The following ELOVL2 variants were observed in gnomAD, a reference collection of about 807,000 sequenced individuals.
ELOVL2 encodes the protein very long chain fatty acid elongase 2.
ELOVL2 carries 38 observed loss-of-function variants against 37.7 expected under a neutral mutation model. The observed-to-expected ratio is 1.01, with a 90% CI of 0.78 to 1.32. The LOEUF (loss-of-function observed/expected upper bound fraction) is 1.32. Among genes scored for constraint, ELOVL2 ranks in the 40% most tolerant of loss-of-function variants. ELOVL2 has a pLI of 0.00. For missense variants in ELOVL2, 352 were observed against 363.6 expected, an observed-to-expected ratio of 0.97 and a Z score of 0.26; for synonymous variants, 115 against 122.3, an observed-to-expected ratio of 0.94 and a Z score of 0.40.
At chr6:11,011,596 G>A (rs2113525250) in intron 1 of ELOVL2, among the ~76,000 whole-genome samples, 1 of 152,208 alleles carries the variant, frequency 6.6e-6, no homozygotes, top group East Asian at 1.9e-4. Context: ...ACTTTAAGTA[G>A]GACTGTTTTT....
chr6:10,989,428 A>C (rs1379199157), intron 7 of ELOVL2, among the ~76,000 whole-genome samples: 1 of 152,240 alleles, frequency 6.6e-6, no homozygotes, highest in Non-Finnish European at 1.5e-5. Context: ...CAAGGCAGGC[A>C]GATCACCTGA....
At chr6:10,987,699 G>A (rs2113467126) in intron 7 of ELOVL2, among the ~76,000 whole-genome samples, 1 of 152,264 alleles carries the variant, frequency 6.6e-6, no homozygotes. Flanking sequence ...GTCACGATTT[G>A]TATATTGTGG....
chr6:10,994,693 C>G (rs1327029352), intron 5 of ELOVL2, among the ~76,000 whole-genome samples: 3 of 152,164 alleles, frequency 2.0e-5, no homozygotes, highest in African/African-American at 7.2e-5. Flanking sequence ...TGTATTTCCA[C>G]AGGAGTCAAA....
rs779060460 is a variant in ELOVL2 at position 11,044,234 on chromosome 6, CCGCAG to C, written c.-9_-5del. The C allele has an allele frequency of 5.1e-5, 70 of 1,383,770 alleles. 1 individual carries two copies. In the Middle Eastern group the frequency reaches 8.3e-4, roughly 16 times the overall value. The allele number at this position is 1,383,770 out of a possible 1,614,324, so 85.7% of individuals were successfully genotyped here. On this transcript the variant is annotated 5_prime_UTR_variant, in exon 1 of 8. Transcript: ENST00000354666. The surrounding 1 kb of genome is among the most constrained non-coding windows in gnomAD (Gnocchi z 5.6). ...GGCGCGCGGCCCCACTCACCATGAT[CCGCAG>C]CGGCTGTGGCGCGGCGACCCGGGCG... is the stretch of plus-strand genomic sequence containing the variant.
intron 1 of ELOVL2, among the ~76,000 whole-genome samples, chr6:11,014,456 G>A (rs1221569252): frequency 6.7e-6 from 1 of 149,534 alleles, no homozygotes; most frequent in Non-Finnish European, 1.5e-5. Flanking sequence ...TCCAGCCTGG[G>A]CAAAGAAGTG....
At chr6:10,996,375 T>G (rs964290474) in intron 4 of ELOVL2, among the ~76,000 whole-genome samples, 1 of 152,142 alleles carries the variant, frequency 6.6e-6, no homozygotes, top group African/African-American at 2.4e-5. Context: ...AATCACTATA[T>G]CTTACTTTAT....
chr6:10,987,544 T>C (rs113248798), intron 7 of ELOVL2, among the ~76,000 whole-genome samples: 385 of 152,358 alleles, frequency 2.5e-3, no homozygotes, highest in African/African-American at 8.9e-3. Context: ...TTCTGGTATG[T>C]TGTATCTTTG....
intron 1 of ELOVL2, among the ~76,000 whole-genome samples, chr6:11,034,867 G>A (rs1782983920): frequency 6.6e-6 from 1 of 151,720 alleles, no homozygotes; most frequent in African/African-American, 2.4e-5. Flanking sequence ...GCCAAGCGTG[G>A]TGGCATGCGC....
intron 4 of ELOVL2, among the ~76,000 whole-genome samples, chr6:10,996,053 G>C (rs1581862927): frequency 6.6e-6 from 1 of 152,070 alleles, no homozygotes; most frequent in South Asian, 2.1e-4. Flanking sequence ...TCCCTCCTAA[G>C]GCCCTCAAGT....
chr6:10,993,684 T>TTTTTG (rs569929548), intron 5 of ELOVL2, among the ~76,000 whole-genome samples: 4 of 151,856 alleles, frequency 2.6e-5, no homozygotes, highest in African/African-American at 7.3e-5. Context: ...TGTCTACACT[T>TTTTTG]TTTTGTTTTG....
intron 1 of ELOVL2, among the ~76,000 whole-genome samples, chr6:11,036,455 T>C (rs1437745729): frequency 5.9e-5 from 9 of 152,206 alleles, no homozygotes; most frequent in African/African-American, 1.9e-4. Flanking sequence ...AAAGGGGGCA[T>C]TCTCTTCCTT....
chr6:10,991,233 G>A (rs1351119192), intron 5 of ELOVL2, among the ~76,000 whole-genome samples: 10 of 152,246 alleles, frequency 6.6e-5, no homozygotes, highest in African/African-American at 2.4e-4. Flanking sequence ...TGCATCACTT[G>A]TTGGAAATAA....
At chr6:11,016,035 C>T (rs1434504599) in intron 1 of ELOVL2, 1 of 152,134 alleles carries the variant, frequency 6.6e-6, no homozygotes. Flanking sequence ...AGAAATGAAC[C>T]CCACCATAAA....
chr6:10,992,369 G>A (rs1414903674), intron 5 of ELOVL2, among the ~76,000 whole-genome samples: 1 of 152,124 alleles, frequency 6.6e-6, no homozygotes, highest in Non-Finnish European at 1.5e-5. Flanking sequence ...CTAAATTCTT[G>A]AGAACAAGAC....
intron 1 of ELOVL2, among the ~76,000 whole-genome samples, chr6:11,033,676 A>G (rs1011994909): frequency 1.3e-5 from 2 of 152,226 alleles, no homozygotes; most frequent in African/African-American, 4.8e-5. Flanking sequence ...AAGATTTTCA[A>G]TTTTCACTGA....
Position 11,005,158 on chromosome 6 carries a change from CA to C in ELOVL2, c.255+213del, listed in dbSNP as rs879891585. Among the ~76,000 whole-genome samples, 279 of 136,246 alleles carry C rather than the reference CA, an allele frequency of 2.0e-3. 2 individuals carry two copies. The highest frequency in any genetic ancestry group is 3.0e-3 in the Non-Finnish European group (190 of 62,542). 89.4% of individuals were successfully genotyped at this position (136,246 alleles called of 152,430 possible). On this transcript the variant is annotated intron_variant, in intron 3 of 7. Transcript: ENST00000354666. ...TGGATGATAGAGCGAGACTCCATCT[CA>C]AAAAAAAAAAGAAATAGGTCTAAAT...
At chr6:11,030,764 T>C (rs925065509) in intron 1 of ELOVL2, among the ~76,000 whole-genome samples, 3 of 152,148 alleles carry the variant, frequency 2.0e-5, no homozygotes, top group African/African-American at 7.2e-5. Context: ...AGTGCTGGGA[T>C]TACATGCGTG....
chr6:11,012,237 ATCT>A (rs1440600903), intron 1 of ELOVL2, among the ~76,000 whole-genome samples: 1 of 152,224 alleles, frequency 6.6e-6, no homozygotes, highest in Non-Finnish European at 1.5e-5. Context: ...AAGGAACTTT[ATCT>A]TCATTATTTC....
At chr6:11,032,572 G>A (rs1239738516) in intron 1 of ELOVL2, among the ~76,000 whole-genome samples, 3 of 152,102 alleles carry the variant, frequency 2.0e-5, no homozygotes, top group Non-Finnish European at 2.9e-5. Context: ...CTGCATCCGT[G>A]GATTCAGCCA....
Sources: allele counts gnomAD v4.1 joint callset (sites outside exome capture counted in the v4.1 genomes callset), GRCh38; gene constraint gnomAD v4.1.1; non-coding constraint Gnocchi (gnomAD v3.1); transcripts MANE v1.5; gene names NCBI Gene and HGNC (gene_info 2026-07-23, HGNC 2026-07-21).